The following PTCH1 variants were observed in gnomAD, a reference collection of about 807,000 sequenced individuals.
The protein encoded by PTCH1 is protein patched homolog 1.
In PTCH1, 14 loss-of-function variants were observed where a neutral mutation model predicts 144.6. That is an observed-to-expected ratio of 0.10 (90% CI 0.06 to 0.15). The LOEUF (loss-of-function observed/expected upper bound fraction) is 0.15. PTCH1 is among the 10% of genes least tolerant of loss of function. The pLI is 1.00. For missense variants in PTCH1, 1,623 were observed against 1,948.3 expected, an observed-to-expected ratio of 0.83 and a Z score of 3.14; for synonymous variants, 833 against 793.6, an observed-to-expected ratio of 1.05 and a Z score of -0.83.
chr9:95,490,557 A>ACACACACACAC (rs1564069050), intron 2 of PTCH1, among the ~76,000 whole-genome samples: 3 of 147,714 alleles, frequency 2.0e-5, no homozygotes, highest in Admixed American at 1.3e-4. Context: ...ACACACACAC[A>ACACACACACAC]AAAGAAAGAT....
At chr9:95,478,263 GAC>G in intron 8 of PTCH1, 77 bp from the exon 9 acceptor site, 1 of 1,595,604 alleles carries the variant, frequency 6.3e-7, no homozygotes, top group Non-Finnish European at 8.6e-7. Flanking sequence ...GATCTCAGGT[GAC>G]ACAGCGCAGC....
In PTCH1 at chr9:95,447,341, G is replaced by A. The variant is rs786204201; in HGVS notation, c.3915C>T (p.Asp1305=). 10 of 1,613,490 alleles carry A rather than the reference G, an allele frequency of 6.2e-6. No individual in the cohort carries two copies. Among genetic ancestry groups the A allele is most frequent in the Non-Finnish European group, 7.6e-6 (9 of 1,179,970 alleles). ...PGRQGQQPRR[D]PPREGLWPPP... is the part of the protein sequence containing the mutation. ...GTGGCCACAAGCCTTCTCTGGGGGG[G>A]TCCCTGCGGGGCTGCTGGCCTTGCC... The change falls in exon 23 of 24, where the codon GAC becomes GAT. Residue 1305 remains aspartate, a synonymous_variant. Transcript: ENST00000331920.
intron 15 of PTCH1, among the ~76,000 whole-genome samples, chr9:95,462,817 C>A (rs542735689): frequency 6.6e-6 from 1 of 152,336 alleles, no homozygotes; most frequent in East Asian, 1.9e-4. Context: ...GGCGAGCCCG[C>A]CAGCACACCA....
At chr9:95,504,301 G>A (rs899915083) in intron 2 of PTCH1, among the ~76,000 whole-genome samples, 1 of 152,134 alleles carries the variant, frequency 6.6e-6, no homozygotes, top group African/African-American at 2.4e-5. Context: ...TACACAACTG[G>A]CAGCTCCCAT....
rs1321526581 is a variant in PTCH1, at chr9:95,516,924, A to C, written c.-453T>G. The C allele has an allele frequency of 5.3e-6, 5 of 951,718 alleles. No homozygotes were observed. The African/African-American group carries it at 8.4e-5, about 16-fold the overall frequency. The allele number at this position is 951,718 out of a possible 1,614,324, so 59.0% of individuals were successfully genotyped here. A position where few individuals can be genotyped will look rare whatever the true frequency, so the allele number is the denominator to read the frequency against. On this transcript the variant is annotated 5_prime_UTR_variant, in exon 1 of 23. Coordinates refer to the PTCH1 transcript ENST00000430669. Reference sequence around the variant, plus strand: ...TTTACAATAAACTCAAGGAAAGCAAAGTAAACTCGAGGAACGTGCTATCAG... The same window carrying C: ...TTTACAATAAACTCAAGGAAAGCAACGTAAACTCGAGGAACGTGCTATCAG...
rs763779667 is a variant in PTCH1 at position 95,506,429 on chromosome 9, G to C, written c.372C>G (p.Asn124Lys). The C allele has an allele frequency of 4.3e-6, 7 of 1,612,356 alleles. No homozygotes were observed. In the East Asian group the frequency reaches 8.9e-5, roughly 21 times the overall value. ...TACCTTCCACCCACAGCTCCTCCAC[G>C]TTGGTCTCGAGGTTCGCTGCTTTTA... The part of the protein sequence containing the change: ...VGLKAANLET[N>K]VEELWVEVGG... Residue 124 changes from asparagine (N) to lysine (K), a missense_variant, in exon 2 of 24, where the codon AAC becomes AAG. Physicochemically the swap from Asn to Lys is moderately conservative, Grantham distance 94. This residue lies in a region of PTCH1 where 245 missense variants were observed against 240.6 expected (regional missense o/e 1.02). Transcript: ENST00000331920.
At chr9:95,510,921 G>A (rs1440349978), upstream of PTCH1, among the ~76,000 whole-genome samples, 1 of 150,640 alleles carries the variant, frequency 6.6e-6, no homozygotes, top group Non-Finnish European at 1.5e-5. Flanking sequence ...GGAGGCGGAT[G>A]CGCCGGGCCG....
At chr9:95,448,509 CAG>C (rs1319201489) in intron 22 of PTCH1, among the ~76,000 whole-genome samples, 4 of 152,196 alleles carry the variant, frequency 2.6e-5, no homozygotes, top group Admixed American at 1.3e-4. Context: ...GCTAAGAACT[CAG>C]GGGTGGTTCT....
At chr9:95,485,072 G>A (rs1841861523) in intron 3 of PTCH1, among the ~76,000 whole-genome samples, 1 of 152,072 alleles carries the variant, frequency 6.6e-6, no homozygotes, top group Admixed American at 6.6e-5. Flanking sequence ...CAGGTGTGGT[G>A]GTGGGCGCCT....
chr9:95,479,352 C>G (rs958736256), intron 7 of PTCH1, among the ~76,000 whole-genome samples: 4 of 152,166 alleles, frequency 2.6e-5, no homozygotes, highest in Non-Finnish European at 4.4e-5. Context: ...CCTTACAAAC[C>G]TTTTACAGAT....
chr9:95,468,533 G>C (rs1418905345), intron 14 of PTCH1, among the ~76,000 whole-genome samples: 1 of 152,166 alleles, frequency 6.6e-6, no homozygotes, highest in African/African-American at 2.4e-5. Flanking sequence ...TTCATAAAAA[G>C]ACTTGCTGCA....
chr9:95,471,810 C>T (rs1003885896), intron 12 of PTCH1, among the ~76,000 whole-genome samples: 3 of 152,170 alleles, frequency 2.0e-5, no homozygotes, highest in Admixed American at 6.5e-5. Context: ...GAGGCCGAGG[C>T]GGGCAGATCA....
chr9:95,468,618 T>A (rs1342144317), intron 14 of PTCH1, 133 bp downstream of exon 14: 1 of 1,233,868 alleles, frequency 8.1e-7, no homozygotes, highest in Non-Finnish European at 1.2e-6. Flanking sequence ...TTTGGAGGAC[T>A]GAAATGTATC....
At chr9:95,507,325 A>T in intron 1 of PTCH1, 1 of 985,474 alleles carries the variant, frequency 1.0e-6, no homozygotes, top group South Asian at 4.7e-5. Context: ...GTGCAAAGGG[A>T]AGGGCTCAGG....
At chr9:95,508,085 G>GT in intron 1 of PTCH1, 76 bp downstream of exon 1, 1 of 1,596,828 alleles carries the variant, frequency 6.3e-7, no homozygotes, top group South Asian at 1.1e-5. Flanking sequence ...GAGTGTGTGT[G>GT]TTTGTGTGTG....
At chr9:95,452,800 T>G (rs1838580937) in intron 20 of PTCH1, 1 of 153,490 alleles carries the variant, frequency 6.5e-6, no homozygotes, top group South Asian at 2.1e-4. Flanking sequence ...ATTTTAGGTA[T>G]TTTTAAGTTT....
At chr9:95,455,635 GAA>G (rs1838844355) in intron 19 of PTCH1, among the ~76,000 whole-genome samples, 1 of 152,164 alleles carries the variant, frequency 6.6e-6, no homozygotes, top group South Asian at 2.1e-4. Context: ...GCAAGATAGA[GAA>G]AAAGAGAGGG....
Position 95,469,988 on chromosome 9 carries a change from CT to C in PTCH1, c.1729-58del. 6 of 1,237,630 alleles carry C rather than the reference CT, an allele frequency of 4.8e-6. No individual in the cohort carries two copies. The South Asian group carries it at 7.2e-5, about 15-fold the overall frequency. The allele number at this position is 1,237,630 out of a possible 1,614,324, so 76.7% of individuals were successfully genotyped here. On this transcript the variant is annotated intron_variant, in intron 12 of 23. Coordinates refer to ENST00000331920, the MANE Select transcript of PTCH1 (RefSeq NM_000264.5). ...AACATGCCTCCGCCCAATCAGAGGA[CT>C]GCTTCGAAAATAAAGATGCTTTTAA... is the stretch of plus-strand genomic sequence containing the variant.
exon 1 of PTCH1, chr9:95,516,869 G>C: frequency 6.7e-7 from 1 of 1,488,758 alleles, no homozygotes; most frequent in Non-Finnish European, 9.1e-7. Flanking sequence ...ACCTGTCAGG[G>C]TCACGTGACG....
Sources: gnomAD v4.1 joint callset for allele counts (sites outside exome capture counted in the v4.1 genomes callset) on GRCh38, gnomAD v4.1.1 for gene constraint, gnomAD v4.1.1 regional missense constraint, MANE v1.5 for transcripts, NCBI Gene and HGNC (gene_info 2026-07-23, HGNC 2026-07-21) for gene names.